KIF1A: variants seen among roughly 807,000 people sequenced by gnomAD.
KIF1A encodes the protein kinesin family member 1A, also known as kinesin-like protein KIF1A.
In KIF1A, 46 loss-of-function variants were observed where a neutral mutation model predicts 227.3. The observed-to-expected ratio is 0.20, with a 90% CI of 0.16 to 0.26. The LOEUF (loss-of-function observed/expected upper bound fraction) is 0.26. Among genes scored for constraint, KIF1A ranks in the 10% least tolerant of loss-of-function variants. KIF1A has a pLI of 1.00. For missense variants in KIF1A, 1,683 were observed against 2,485.9 expected (o/e 0.68, Z 6.87); for synonymous variants, 1,022 against 1,012.8 (o/e 1.01, Z -0.17).
At position 240,740,279 on chromosome 2, in the gene KIF1A, G is replaced by A. The variant is rs921103671; in HGVS notation, c.3816+19C>T. 6 of 1,609,548 alleles carry A rather than the reference G, an allele frequency of 3.7e-6. No homozygotes were observed. In the African/African-American group the frequency reaches 8.0e-5, roughly 22 times the overall value. On this transcript the variant is annotated intron_variant, in intron 36 of 48. Transcript: ENST00000498729. The surrounding 1 kb of genome is among the most constrained non-coding windows in gnomAD (Gnocchi z 6.1). Reference sequence around the variant, plus strand: ...GGGGGAGGGGACACAGGCAGGGTAGGGGCAAGAGGGGCTCACACCTGGTGG... The same window carrying A: ...GGGGGAGGGGACACAGGCAGGGTAGAGGCAAGAGGGGCTCACACCTGGTGG...
In KIF1A at chr2:240,752,214, T is replaced by C. The variant is rs1213805787; in HGVS notation, c.2859-1667A>G. Among the ~76,000 whole-genome samples the C allele has an allele frequency of 6.6e-6, 1 of 150,598 alleles. No individual in the cohort carries two copies. Among genetic ancestry groups the C allele is most frequent in the Non-Finnish European group, 1.5e-5 (1 of 67,852 alleles). Reference sequence around the variant, plus strand: ...ACACCAATGGAGCCCATCAGGGACTTGTTACCCACAGGGCTGCAGGCGGCT... The same window carrying C: ...ACACCAATGGAGCCCATCAGGGACTCGTTACCCACAGGGCTGCAGGCGGCT... On this transcript the variant is annotated intron_variant, in intron 27 of 48. Transcript: ENST00000498729. The surrounding 1 kb of genome is among the most constrained non-coding windows in gnomAD (Gnocchi z 6.4).
chr2:240,805,445 AG>A (rs148306602), intron 1 of KIF1A, among the ~76,000 whole-genome samples: 10,574 of 152,278 alleles, frequency 0.069, 481 homozygotes, highest in East Asian at 0.14. Flanking sequence ...AAAATATGTC[AG>A]AAAAAAATTA....
intron 1 of KIF1A, among the ~76,000 whole-genome samples, chr2:240,810,781 G>T (rs866348040): frequency 6.6e-6 from 1 of 152,200 alleles, no homozygotes; most frequent in South Asian, 2.1e-4. Context: ...GGTGCTGGGC[G>T]TGGAGGGGGT....
At chr2:240,808,856 G>A (rs953015214) in intron 1 of KIF1A, among the ~76,000 whole-genome samples, 7 of 151,646 alleles carry the variant, frequency 4.6e-5, no homozygotes, top group African/African-American at 1.2e-4. Flanking sequence ...TCAGCCTCCC[G>A]AGTAGTTGGG....
At chr2:240,776,764 A>G (rs888852242) in intron 10 of KIF1A, among the ~76,000 whole-genome samples, 1 of 152,232 alleles carries the variant, frequency 6.6e-6, no homozygotes, top group African/African-American at 2.4e-5. Context: ...ACCCCAGGAC[A>G]TGCACGCAGA....
intron 2 of KIF1A, among the ~76,000 whole-genome samples, chr2:240,791,179 G>C (rs1165862114): frequency 6.6e-6 from 1 of 152,124 alleles, no homozygotes; most frequent in Non-Finnish European, 1.5e-5. Context: ...AGCAGAGGCA[G>C]AGAGAAGGCC....
chr2:240,780,088 C>T (rs2053431115), intron 10 of KIF1A, among the ~76,000 whole-genome samples: 1 of 151,848 alleles, frequency 6.6e-6, no homozygotes, highest in African/African-American at 2.4e-5. Context: ...CCGCGAGTTC[C>T]TCCGAGTTCC....
In KIF1A at chr2:240,757,671, T is replaced by G. The variant is rs1042728393; in HGVS notation, c.2583-77A>C. Reference sequence around the variant, plus strand: ...GACGAACAGGGGCCGGGGCCGGGGCTGGGGGGCTTCTGTTTAAAACCAAAA... The same window carrying G: ...GACGAACAGGGGCCGGGGCCGGGGCGGGGGGGCTTCTGTTTAAAACCAAAA... On this transcript the variant is annotated intron_variant, in intron 26 of 48. Coordinates refer to ENST00000498729, the MANE Select transcript of KIF1A (RefSeq NM_001244008.2). The surrounding 1 kb of genome is among the most constrained non-coding windows in gnomAD (Gnocchi z 6.2). 9 of 1,424,238 alleles carry G rather than the reference T, an allele frequency of 6.3e-6. No individual in the cohort carries two copies. Among genetic ancestry groups the G allele is most frequent in the Non-Finnish European group, 7.6e-6 (8 of 1,056,732 alleles). The allele number at this position is 1,424,238 out of a possible 1,614,324, so 88.2% of individuals were successfully genotyped here.
chr2:240,720,920 T>C lies in KIF1A; in HGVS notation c.4862A>G (p.Asp1621Gly), dbSNP rs1315724236. 1 of 1,570,132 alleles carries C rather than the reference T, an allele frequency of 6.4e-7. No homozygotes were observed. The highest frequency in any genetic ancestry group is 1.2e-5 in the South Asian group (1 of 86,176). Residue 1621 changes from aspartate (D) to glycine (G), a missense_variant, in exon 45 of 49, where the codon GAC (aspartate) becomes GGC (glycine). By Grantham distance (94) the Asp-to-Gly change is moderately conservative. Transcript: ENST00000498729. ...SLVEGRYGAT[D>G]LRTPQPCSRP... is the part of the protein sequence containing the mutation. ...GAGCCTGGAGCTCACTCACCTCAGG[T>C]CAGTGGCACCGTACCGCCCTTCAAC...
At chr2:240,734,842 G>T in intron 38 of KIF1A, 1 of 747,134 alleles carries the variant, frequency 1.3e-6, no homozygotes, top group Non-Finnish European at 2.1e-6. Context: ...GTGGCCACAG[G>T]CCCACTCTGA....
In KIF1A at chr2:240,740,405, C is replaced by T. The variant is rs1470812263; in HGVS notation, c.3750-41G>A. ...ACATGTGAGGAGCGGCCAGCCCCTC[C>T]TCTCTGCCCTCCCCGCAGCACAGGA... On this transcript the variant is annotated intron_variant, in intron 35 of 48. Coordinates refer to ENST00000498729, the MANE Select transcript of KIF1A (RefSeq NM_001244008.2). The surrounding 1 kb of genome is among the most constrained non-coding windows in gnomAD (Gnocchi z 6.1). 2.6e-6 allele frequency: 4 copies of T among 1,525,924 alleles called. No individual in the cohort carries two copies. The allele number at this position is 1,525,924 out of a possible 1,614,324, so 94.5% of individuals were successfully genotyped here.
At chr2:240,723,282 T>C in intron 42 of KIF1A, 131 bp downstream of exon 42, 1 of 797,796 alleles carries the variant, frequency 1.3e-6, no homozygotes, top group African/African-American at 1.7e-5. Context: ...CTCCTGCAGG[T>C]GGCTGTGACT....
At chr2:240,770,237 C>A (rs1267588206) in intron 15 of KIF1A, among the ~76,000 whole-genome samples, 1 of 152,204 alleles carries the variant, frequency 6.6e-6, no homozygotes, top group Non-Finnish European at 1.5e-5. Flanking sequence ...GGCTCACCTG[C>A]CCCTGCACAG....
chr2:240,776,334 C>T (rs2052723450), intron 10 of KIF1A, among the ~76,000 whole-genome samples: 2 of 152,216 alleles, frequency 1.3e-5, no homozygotes, highest in Admixed American at 6.5e-5. Flanking sequence ...GGGAAAAGGC[C>T]CCACAGCTAA....
intron 10 of KIF1A, among the ~76,000 whole-genome samples, chr2:240,777,761 G>A (rs1335231620): frequency 3.9e-5 from 6 of 152,214 alleles, no homozygotes; most frequent in South Asian, 4.1e-4. Context: ...GAGGGACCTC[G>A]GATCCTCAGA....
In KIF1A at chr2:240,792,770, A is replaced by C. The variant is rs548042987; in HGVS notation, c.107-3458T>G. On this transcript the variant is annotated intron_variant, in intron 2 of 48. Transcript: ENST00000498729. The surrounding 1 kb of genome is among the most constrained non-coding windows in gnomAD (Gnocchi z 4.5). Reference sequence around the variant, plus strand: ...GGCCTTGTGAAGTGATGAGGATGAGACGAAGCCACGAAGTCAGGGACCTCA... The same window carrying C: ...GGCCTTGTGAAGTGATGAGGATGAGCCGAAGCCACGAAGTCAGGGACCTCA... Among the ~76,000 whole-genome samples, 1 of 152,208 alleles carries C rather than the reference A, an allele frequency of 6.6e-6. No homozygotes were observed. Among genetic ancestry groups the C allele is most frequent in the East Asian group, 1.9e-4 (1 of 5,162 alleles).
At chr2:240,795,955 TC>T (rs1345714701) in intron 2 of KIF1A, among the ~76,000 whole-genome samples, 1 of 152,134 alleles carries the variant, frequency 6.6e-6, no homozygotes, top group Admixed American at 6.5e-5. Flanking sequence ...ACCATGGAGT[TC>T]CCCATGACCC....
In KIF1A at chr2:240,745,493, G is replaced by C. The variant is rs2125788838; in HGVS notation, c.3399C>G (p.Ala1133=). Residue 1133 remains alanine, a synonymous_variant, in exon 32 of 49, where the codon GCC becomes GCG. Coordinates refer to ENST00000498729, the MANE Select transcript of KIF1A (RefSeq NM_001244008.2). ...TGTTCTTCAGGGGCTCTGTGGAGAA[G>C]GCCTCGTCGTGGCGGTGGATGAAGC... ...QFNFIHRHDE[A]FSTEPLKNTG... The C allele has an allele frequency of 6.2e-7, 1 of 1,612,620 alleles. No homozygotes were observed. The highest frequency in any genetic ancestry group is 8.5e-7 in the Non-Finnish European group (1 of 1,178,900).
At chr2:240,785,153 A>T in intron 6 of KIF1A, 53 bp from the exon 7 acceptor site, 1 of 1,447,172 alleles carries the variant, frequency 6.9e-7, no homozygotes. Flanking sequence ...GCCGGGTGCG[A>T]GATCGCCGGT....
Sources: gnomAD v4.1 joint callset for allele counts (sites outside exome capture counted in the v4.1 genomes callset) on GRCh38, gnomAD v4.1.1 for gene constraint, Gnocchi (gnomAD v3.1) non-coding constraint, MANE v1.5 for transcripts, NCBI Gene and HGNC (gene_info 2026-07-23, HGNC 2026-07-21) for gene names.